Variants in FAF2 observed in about 807,000 individuals in gnomAD.
The protein encoded by FAF2 is Fas associated factor family member 2.
Under a neutral mutation model 62.3 loss-of-function variants are expected in FAF2, and 9 were observed. The observed-to-expected ratio is 0.14, with a 90% CI of 0.09 to 0.25. FAF2 has a LOEUF of 0.25. Among genes scored for constraint, FAF2 ranks in the 10% least tolerant of loss-of-function variants. The pLI is 1.00. For missense variants in FAF2, 368 were observed against 556.2 expected (o/e 0.66, Z 3.40); for synonymous variants, 202 against 198.0 (o/e 1.02, Z -0.17).
intron 4 of FAF2, among the ~76,000 whole-genome samples, chr5:176,489,886 T>C (rs1394423029): frequency 6.6e-6 from 1 of 152,126 alleles, no homozygotes; most frequent in Non-Finnish European, 1.5e-5. Flanking sequence ...AGCCCCTAGG[T>C]TGCAAACACT....
chr5:176,476,507 G>A (rs908975399), intron 1 of FAF2, among the ~76,000 whole-genome samples: 5 of 151,734 alleles, frequency 3.3e-5, no homozygotes, highest in African/African-American at 1.2e-4. Flanking sequence ...GCAATAGAAT[G>A]AATGTAAATA....
chr5:176,476,970 C>CACCATGCGCCAAATTATT (rs1490660858), intron 1 of FAF2, among the ~76,000 whole-genome samples: 2 of 151,672 alleles, frequency 1.3e-5, no homozygotes, highest in Non-Finnish European at 2.9e-5. Flanking sequence ...CCACCATGCC[C>CACCATGCGCCAAATTATT]GGCTAATTTT....
At chr5:176,466,542 A>G (rs1052616251) in intron 1 of FAF2, among the ~76,000 whole-genome samples, 3 of 152,226 alleles carry the variant, frequency 2.0e-5, no homozygotes, top group African/African-American at 7.2e-5. Context: ...CACCCTGGTT[A>G]CCCAATCCCT....
At chr5:176,506,356 C>T (rs1755685408) in intron 10 of FAF2, among the ~76,000 whole-genome samples, 1 of 152,046 alleles carries the variant, frequency 6.6e-6, no homozygotes, top group Non-Finnish European at 1.5e-5. Flanking sequence ...AGAAGATTGT[C>T]CTATTAGTCC....
chr5:176,497,222 C>T (rs1348055181), intron 8 of FAF2, among the ~76,000 whole-genome samples: 1 of 151,674 alleles, frequency 6.6e-6, no homozygotes, highest in Non-Finnish European at 1.5e-5. Flanking sequence ...TTTAGAATAG[C>T]TGAATATAAT....
At chr5:176,459,329 G>A (rs1258813908) in intron 1 of FAF2, among the ~76,000 whole-genome samples, 1 of 147,186 alleles carries the variant, frequency 6.8e-6, no homozygotes, top group Non-Finnish European at 1.5e-5. Flanking sequence ...CTCATTCATG[G>A]TTCACTGCAG....
In FAF2 at chr5:176,500,231, G is replaced by A. The variant is rs1415652025; in HGVS notation, c.1155+85G>A. ...TTTACTGACTCTTGAGAGTGGTGTTGGTGTATCTGCTGCTCTGATGAACAG... is the reference window on the plus strand; with the variant it reads ...TTTACTGACTCTTGAGAGTGGTGTTAGTGTATCTGCTGCTCTGATGAACAG... On this transcript the variant is annotated intron_variant, in intron 10 of 10. Coordinates refer to ENST00000261942, the MANE Select transcript of FAF2 (RefSeq NM_014613.3). 8 of 1,312,022 alleles carry A rather than the reference G, an allele frequency of 6.1e-6. No individual in the cohort carries two copies. In the African/African-American group the frequency reaches 1.0e-4, roughly 17 times the overall value. The allele number at this position is 1,312,022 out of a possible 1,614,324, so 81.3% of individuals were successfully genotyped here.
At chr5:176,454,577 GAAAAAAAAAAA>G (rs56324116) in intron 1 of FAF2, among the ~76,000 whole-genome samples, 54 of 95,302 alleles carry the variant, frequency 5.7e-4, no homozygotes, top group African/African-American at 1.3e-3. Context: ...GATTCTGTCT[GAAAAAAAAAAA>G]AAAAAAAAAA....
chr5:176,476,628 T>TG lies in FAF2; in HGVS notation c.64-2560_64-2559insG, dbSNP rs1491202227. Among the ~76,000 whole-genome samples the TG allele has an allele frequency of 9.4e-5, 6 of 63,820 alleles. No homozygotes were observed. The East Asian group carries it at 2.1e-3, about 23-fold the overall frequency. The allele number at this position is 63,820 out of a possible 152,430, so 41.9% of individuals were successfully genotyped here. Reference sequence around the variant, plus strand: ...GGGAAGATGGTAAGATTAGAGTCCCTTTTTTTTTTTTTTTTTTTTTTTGAG... The same window carrying TG: ...GGGAAGATGGTAAGATTAGAGTCCCTGTTTTTTTTTTTTTTTTTTTTTTGAG... On this transcript the variant is annotated intron_variant, in intron 1 of 10. Coordinates refer to ENST00000261942, the MANE Select transcript of FAF2 (RefSeq NM_014613.3).
Position 176,480,301 on chromosome 5 carries a change from GT to G in FAF2, c.132+1056del, listed in dbSNP as rs913760354. ...AAAACGTGTTCCCTTTTTTTTTCCA[GT>G]TTTTTTTTTTAATAAAATGTATTCC... On this transcript the variant is annotated intron_variant, in intron 2 of 10. Coordinates refer to ENST00000261942, the MANE Select transcript of FAF2 (RefSeq NM_014613.3). Among the ~76,000 whole-genome samples, 81 of 142,920 alleles carry G rather than the reference GT, an allele frequency of 5.7e-4. 1 individual carries two copies. Among genetic ancestry groups the G allele is most frequent in the African/African-American group, 1.5e-3 (59 of 39,142 alleles). The allele number at this position is 142,920 out of a possible 152,430, so 93.8% of individuals were successfully genotyped here. A position where few individuals can be genotyped will look rare whatever the true frequency, so the allele number is the denominator to read the frequency against.
At chr5:176,491,105 C>T (rs1483685161) in intron 4 of FAF2, among the ~76,000 whole-genome samples, 5 of 152,192 alleles carry the variant, frequency 3.3e-5, no homozygotes, top group East Asian at 1.9e-4. Context: ...AAAAGTATCA[C>T]AGTTTAATCA....
intron 2 of FAF2, among the ~76,000 whole-genome samples, chr5:176,482,790 C>A (rs2913915): frequency 0.62 from 94,141 of 152,080 alleles, 30,213 homozygotes; most frequent in African/African-American, 0.8. Context: ...TGTTGGGATT[C>A]CAGACGTGAG....
Position 176,507,853 on chromosome 5 carries a change from G to A in FAF2, c.*903G>A, listed in dbSNP as rs151007716. The stretch of plus-strand genomic sequence containing the variant: ...AGCTTTTCCTTGGAGTCTGTACCAG[G>A]TGGTGGTTATGGGGTCTGAACCAAA... On this transcript the variant is annotated 3_prime_UTR_variant, in exon 11 of 11. Transcript: ENST00000261942. The A allele has an allele frequency of 2.6e-4, 40 of 152,978 alleles. No homozygotes were observed. The highest frequency in any genetic ancestry group is 9.1e-4 in the African/African-American group (38 of 41,562). 9.5% of individuals were successfully genotyped at this position (152,978 alleles called of 1,614,324 possible). A position where few individuals can be genotyped will look rare whatever the true frequency, so the allele number is the denominator to read the frequency against.
chr5:176,476,263 T>G (rs1758687895), intron 1 of FAF2, among the ~76,000 whole-genome samples: 1 of 151,930 alleles, frequency 6.6e-6, no homozygotes, highest in African/African-American at 2.4e-5. Context: ...GAACCTGTCT[T>G]AAAAAAACAA....
rs990694173 is a variant in FAF2 at position 176,460,674 on chromosome 5, G to A, written c.63+12204G>A. On this transcript the variant is annotated intron_variant, in intron 1 of 10. Transcript: ENST00000261942. The stretch of plus-strand genomic sequence containing the variant: ...ATGTCTTTTGAGAAGTGTCTGAGGC[G>A]GGTGTGATGGCTCACGCCTGTAATC... Among the ~76,000 whole-genome samples the A allele has an allele frequency of 1.1e-4, 16 of 151,950 alleles. No individual in the cohort carries two copies. The East Asian group carries it at 1.2e-3, about 11-fold the overall frequency.
chr5:176,457,329 T>C (rs1226463233), intron 1 of FAF2, among the ~76,000 whole-genome samples: 2 of 151,972 alleles, frequency 1.3e-5, no homozygotes, highest in Non-Finnish European at 2.9e-5. Context: ...GCTGGGATTA[T>C]AGGCGCCCAC....
chr5:176,499,024 G>A lies in FAF2; in HGVS notation c.950G>A (p.Arg317His), dbSNP rs768657662. Residue 317 changes from arginine to histidine, a missense_variant, in exon 9 of 11, where the codon CGT becomes CAT. Physicochemically the swap from Arg to His is conservative, Grantham distance 29 (BLOSUM62 0). Coordinates refer to ENST00000261942, the MANE Select transcript of FAF2 (RefSeq NM_014613.3). ...KERKKREERE[R>H]KRRKEEEVQQ... ...AGAAAGAAACGGGAGGAGCGGGAGC[G>A]TAAGCGGCGGAAGGAGGAGGAGGTG... 3.5e-5 allele frequency: 57 copies of A among 1,612,450 alleles called. No homozygotes were observed. The highest frequency in any genetic ancestry group is 4.0e-5 in the African/African-American group (3 of 74,886).
At chr5:176,467,388 T>C (rs1221556901) in intron 1 of FAF2, among the ~76,000 whole-genome samples, 14 of 152,070 alleles carry the variant, frequency 9.2e-5, no homozygotes, top group African/African-American at 3.1e-4. Context: ...TAGAGTGCAG[T>C]GGTGCCATCT....
At chr5:176,459,471 T>C (rs1022106819) in intron 1 of FAF2, among the ~76,000 whole-genome samples, 1 of 152,008 alleles carries the variant, frequency 6.6e-6, no homozygotes, top group African/African-American at 2.4e-5. Flanking sequence ...CATTATGTTG[T>C]CCAGGCTGGT....
Sources: gnomAD v4.1 joint callset for allele counts (sites outside exome capture counted in the v4.1 genomes callset) on GRCh38, gnomAD v4.1.1 for gene constraint, MANE v1.5 for transcripts, NCBI Gene and HGNC (gene_info 2026-07-23, HGNC 2026-07-21) for gene names.